The following XKR9 variants were observed in gnomAD, a reference collection of about 807,000 sequenced individuals.
The protein encoded by XKR9 is XK related 9, also known as XK-related protein 9.
A neutral mutation model predicts 32.0 loss-of-function variants in XKR9; 32 were observed. The ratio of observed to expected loss-of-function variants is 1.00; its 90% CI spans 0.76 to 1.34. The LOEUF is 1.34. XKR9 is among the 40% of genes most tolerant of loss of function. The pLI is 0.00. For synonymous variants in XKR9, 168 were observed against 143.4 expected (o/e 1.17, Z -1.22); for missense variants, 546 against 429.7 (o/e 1.27, Z -2.39).
At chr8:70,890,695 T>C in the XKR9 span, among the ~76,000 whole-genome samples, 1,686 of 152,134 alleles carry the variant, frequency 0.011, 29 homozygotes, top group African/African-American at 0.037. Context: ...TGTCACCAAA[T>C]TTGGTTTGCT....
chr8:70,760,563 G>T (rs1807293827), intron 2 of XKR9, among the ~76,000 whole-genome samples: 1 of 152,156 alleles, frequency 6.6e-6, no homozygotes, highest in Non-Finnish European at 1.5e-5. Flanking sequence ...CTAGCATCAA[G>T]TGATCCTCCT....
the XKR9 span, among the ~76,000 whole-genome samples, chr8:71,025,002 A>G: frequency 6.6e-6 from 1 of 152,250 alleles, no homozygotes; most frequent in Non-Finnish European, 1.5e-5. Context: ...CCTATCTGCC[A>G]GCTATTGTTC....
the XKR9 span, among the ~76,000 whole-genome samples, chr8:71,046,811 A>T: frequency 1.3e-5 from 2 of 152,212 alleles, no homozygotes; most frequent in Non-Finnish European, 2.9e-5. Flanking sequence ...GATTTAGTGG[A>T]GGAATAGCTA....
the XKR9 span, among the ~76,000 whole-genome samples, chr8:70,846,648 T>C: frequency 1.3e-5 from 2 of 151,882 alleles, no homozygotes; most frequent in African/African-American, 4.8e-5. Context: ...TCACTTCACC[T>C]ATAAAGACAT....
At chr8:71,022,302 T>G in the XKR9 span, among the ~76,000 whole-genome samples, 1 of 152,362 alleles carries the variant, frequency 6.6e-6, no homozygotes, top group Non-Finnish European at 1.5e-5. Flanking sequence ...ACATTTCTTG[T>G]AGGGCCAGTC....
chr8:70,971,599 AGAT>A, the XKR9 span, among the ~76,000 whole-genome samples: 11 of 152,106 alleles, frequency 7.2e-5, no homozygotes, highest in African/African-American at 9.7e-5. Context: ...TTTCAGACTT[AGAT>A]TTAAGTCTTT....
chr8:70,840,386 C>T, the XKR9 span, among the ~76,000 whole-genome samples: 1 of 151,900 alleles, frequency 6.6e-6, no homozygotes, highest in South Asian at 2.1e-4. Flanking sequence ...ATTTTTTTCT[C>T]ATTGATATGT....
At chr8:70,865,949 G>T in the XKR9 span, among the ~76,000 whole-genome samples, 1 of 152,152 alleles carries the variant, frequency 6.6e-6, no homozygotes, top group African/African-American at 2.4e-5. Context: ...TAGGGTGAAG[G>T]AAAGTATTGA....
chr8:70,863,310 C>T, the XKR9 span, among the ~76,000 whole-genome samples: 24 of 152,118 alleles, frequency 1.6e-4, no homozygotes, highest in Non-Finnish European at 3.5e-4. Flanking sequence ...TATAGGTATG[C>T]TATTCACAAG....
At chr8:71,059,545 A>C in the XKR9 span, among the ~76,000 whole-genome samples, 2 of 152,210 alleles carry the variant, frequency 1.3e-5, no homozygotes, top group African/African-American at 4.8e-5. Context: ...AGAAGAGAAA[A>C]GATTTCTGTG....
chr8:70,739,839 C>T (rs1285380119), downstream of XKR9, among the ~76,000 whole-genome samples: 4 of 152,164 alleles, frequency 2.6e-5, no homozygotes, highest in East Asian at 1.9e-4. Flanking sequence ...AGAGATCCGC[C>T]GTTGGTCTGA....
intron 2 of XKR9, among the ~76,000 whole-genome samples, chr8:70,782,742 A>C (rs1486056618): frequency 6.6e-6 from 1 of 152,126 alleles, no homozygotes; most frequent in Non-Finnish European, 1.5e-5. Flanking sequence ...TGTTTTCAGA[A>C]ATGATAAGAT....
At chr8:70,947,730 A>G in the XKR9 span, among the ~76,000 whole-genome samples, 7 of 152,370 alleles carry the variant, frequency 4.6e-5, no homozygotes, top group African/African-American at 1.4e-4. Flanking sequence ...ACAAATGCTC[A>G]TATTCTTTCT....
At chr8:70,714,444 ACT>A (rs1464145411) in intron 4 of XKR9, among the ~76,000 whole-genome samples, 6 of 150,444 alleles carry the variant, frequency 4.0e-5, no homozygotes, top group African/African-American at 7.3e-5. Context: ...GTGGCTTTGT[ACT>A]CTCTGATTGG....
At chr8:70,839,159 A>T in the XKR9 span, among the ~76,000 whole-genome samples, 1 of 152,126 alleles carries the variant, frequency 6.6e-6, no homozygotes, top group Admixed American at 6.6e-5. Context: ...CCTTCTTATT[A>T]CATTCATATG....
chr8:70,747,612 T>G (rs923303133), intron 2 of XKR9, among the ~76,000 whole-genome samples: 2 of 152,208 alleles, frequency 1.3e-5, no homozygotes, highest in African/African-American at 4.8e-5. Flanking sequence ...CCTCCTGAAC[T>G]GTAAGAAACA....
chr8:71,038,803 A>ATTT, the XKR9 span, among the ~76,000 whole-genome samples: 3 of 119,264 alleles, frequency 2.5e-5, no homozygotes, highest in Non-Finnish European at 5.3e-5. Context: ...TTGGATGCTG[A>ATTT]TTTTTTTTTT....
chr8:71,041,758 GTCTC>G, the XKR9 span, among the ~76,000 whole-genome samples: 2 of 152,046 alleles, frequency 1.3e-5, no homozygotes, highest in Non-Finnish European at 2.9e-5. Context: ...CTCTCTCTCT[GTCTC>G]TCTCTCTATC....
At chr8:70,755,693 G>C (rs1807212548) in intron 2 of XKR9, among the ~76,000 whole-genome samples, 2 of 144,606 alleles carry the variant, frequency 1.4e-5, no homozygotes, top group Non-Finnish European at 3.0e-5. Flanking sequence ...CTCACTCATA[G>C]ATGGGAATTG....
Sources: gnomAD v4.1 joint callset for allele counts (sites outside exome capture counted in the v4.1 genomes callset) on GRCh38, gnomAD v4.1.1 for gene constraint, MANE v1.5 for transcripts, NCBI Gene and HGNC (gene_info 2026-07-23, HGNC 2026-07-21) for gene names.